GPHN: variants seen among roughly 807,000 people sequenced by gnomAD.
GPHN encodes the protein gephyrin.
A neutral mutation model predicts 95.5 loss-of-function variants in GPHN; 17 were observed. That is an observed-to-expected ratio of 0.18 (90% CI 0.12 to 0.27). The LOEUF (loss-of-function observed/expected upper bound fraction) is 0.27. Ranked by LOEUF, GPHN falls within the 10% of genes least tolerant of loss-of-function variation. The pLI is 1.00. For synonymous variants in GPHN, 320 were observed against 322.5 expected, an observed-to-expected ratio of 0.99 and a Z score of 0.08; for missense variants, 660 against 978.1, an observed-to-expected ratio of 0.67 and a Z score of 4.34.
intron 8 of GPHN, among the ~76,000 whole-genome samples, chr14:66,953,316 G>A (rs2068246495): frequency 6.6e-6 from 1 of 151,654 alleles, no homozygotes; most frequent in Non-Finnish European, 1.5e-5. Flanking sequence ...TTGCACAAAA[G>A]TTTTTAAGTT....
Position 66,665,692 on chromosome 14 carries a change from C to T in GPHN, c.65-15415C>T, listed in dbSNP as rs566824510. 1.6e-4 allele frequency among the ~76,000 whole-genome samples: 24 copies of T among 152,260 alleles called. No homozygotes were observed. In the South Asian group the frequency reaches 3.3e-3, roughly 21 times the overall value. On this transcript the variant is annotated intron_variant, in intron 1 of 22. Coordinates refer to ENST00000478722, the MANE Select transcript of GPHN (RefSeq NM_020806.5). ...TCAACCATTGTGGAAGACAGTGTGG[C>T]GATTCCTCAGGGATCTAGAACTAGA...
chr14:66,763,487 G>A lies in GPHN; in HGVS notation c.144-12977G>A, dbSNP rs530552148. Among the ~76,000 whole-genome samples, 87 of 147,048 alleles carry A rather than the reference G, an allele frequency of 5.9e-4. 3 individuals carry two copies. In the South Asian group the frequency reaches 0.014, roughly 24 times the overall value. ...TTCCCACCTATGAGTGAGAATAGGC[G>A]GTGTTTGGTTTTTTGTTCTTGCGAT... On this transcript the variant is annotated intron_variant, in intron 2 of 22. Coordinates refer to ENST00000478722, the MANE Select transcript of GPHN (RefSeq NM_020806.5).
intron 3 of GPHN, among the ~76,000 whole-genome samples, chr14:66,778,217 A>AT (rs2059458998): frequency 1.3e-5 from 2 of 152,180 alleles, no homozygotes; most frequent in African/African-American, 2.4e-5. Flanking sequence ...GTGAACTCCC[A>AT]TTCACAATTG....
At chr14:67,260,195 T>G in the GPHN span, among the ~76,000 whole-genome samples, 1 of 152,222 alleles carries the variant, frequency 6.6e-6, no homozygotes, top group Admixed American at 6.5e-5. Flanking sequence ...TTGATTTAAC[T>G]GTATTCGTAA....
chr14:67,542,072 T>A, the GPHN span: 1 of 1,335,142 alleles, frequency 7.5e-7, no homozygotes, highest in Non-Finnish European at 1.0e-6. Context: ...AGAGGGAGAG[T>A]TGCGGAAAGT....
At chr14:66,984,082 C>T (rs2070863438) in intron 9 of GPHN, among the ~76,000 whole-genome samples, 1 of 152,132 alleles carries the variant, frequency 6.6e-6, no homozygotes, top group Non-Finnish European at 1.5e-5. Flanking sequence ...ATGGTGTTCA[C>T]TTATTACTGT....
At chr14:66,726,282 G>C (rs898654503) in intron 2 of GPHN, among the ~76,000 whole-genome samples, 1 of 152,058 alleles carries the variant, frequency 6.6e-6, no homozygotes, top group African/African-American at 2.4e-5. Flanking sequence ...CACCTCTCAG[G>C]ATGCTGTCAG....
chr14:67,195,713 T>TG, the GPHN span, among the ~76,000 whole-genome samples: 3 of 143,232 alleles, frequency 2.1e-5, no homozygotes, highest in African/African-American at 5.1e-5. Context: ...TTCTTTTTGG[T>TG]TGTGTGTGTG....
chr14:67,035,697 T>C (rs982443899), intron 10 of GPHN, among the ~76,000 whole-genome samples: 2 of 151,632 alleles, frequency 1.3e-5, no homozygotes, highest in African/African-American at 4.8e-5. Flanking sequence ...TATGGAGAAA[T>C]AGAAAATCTA....
At chr14:67,380,019 A>G in the GPHN span, among the ~76,000 whole-genome samples, 1 of 152,076 alleles carries the variant, frequency 6.6e-6, no homozygotes, top group South Asian at 2.1e-4. Flanking sequence ...AGCCTCCCAA[A>G]GTGCTGGGAT....
At chr14:67,382,370 A>C in the GPHN span, 1 of 1,349,392 alleles carries the variant, frequency 7.4e-7, no homozygotes, top group African/African-American at 1.5e-5. Flanking sequence ...ACAGCAGATT[A>C]ATAAAATCTC....
At chr14:67,338,586 T>C in the GPHN span, 3 of 1,602,826 alleles carry the variant, frequency 1.9e-6, no homozygotes, top group South Asian at 3.4e-5. Flanking sequence ...ATGAAGCCAG[T>C]GTTAGGGTTT....
the GPHN span, among the ~76,000 whole-genome samples, chr14:67,331,054 C>CT: frequency 3.0e-4 from 46 of 151,484 alleles, no homozygotes; most frequent in East Asian, 2.7e-3. Flanking sequence ...ATATTTCTTT[C>CT]TTTTTTTTGA....
the GPHN span, among the ~76,000 whole-genome samples, chr14:67,295,409 A>G: frequency 6.6e-6 from 1 of 151,698 alleles, no homozygotes; most frequent in African/African-American, 2.4e-5. Context: ...AGAATCACTT[A>G]AACCCGGGAG....
chr14:67,445,220 T>G, the GPHN span, among the ~76,000 whole-genome samples: 5 of 152,162 alleles, frequency 3.3e-5, no homozygotes, highest in Non-Finnish European at 7.3e-5. Flanking sequence ...TTCTACAAAT[T>G]ATCAAACCTG....
chr14:67,386,981 A>C, the GPHN span: 9 of 164,832 alleles, frequency 5.5e-5, no homozygotes, highest in Non-Finnish European at 1.0e-4. Context: ...TTAAGAGAGA[A>C]CCTCATAAGA....
chr14:67,600,639 G>C, the GPHN span, among the ~76,000 whole-genome samples: 1 of 152,144 alleles, frequency 6.6e-6, no homozygotes, highest in South Asian at 2.1e-4. Context: ...AGACGGAATG[G>C]CGCGACGTCG....
At chr14:67,082,969 G>T in intron 11 of GPHN, among the ~76,000 whole-genome samples, 1 of 152,184 alleles carries the variant, frequency 6.6e-6, no homozygotes, top group Non-Finnish European at 1.5e-5. Flanking sequence ...TTTTTGTGTG[G>T]CATTTGTTTT....
chr14:67,022,917 G>C (rs1477302464), intron 9 of GPHN, among the ~76,000 whole-genome samples: 3 of 151,914 alleles, frequency 2.0e-5, no homozygotes, highest in Non-Finnish European at 4.4e-5. Context: ...ACATTTAAAA[G>C]AATGTTTCAC....
Sources: gnomAD v4.1 joint callset for allele counts (sites outside exome capture counted in the v4.1 genomes callset) on GRCh38, gnomAD v4.1.1 for gene constraint, MANE v1.5 for transcripts, NCBI Gene and HGNC (gene_info 2026-07-23, HGNC 2026-07-21) for gene names.